The following DAPK1 variants were observed in gnomAD, a reference collection of about 807,000 sequenced individuals.
DAPK1 encodes the protein death associated protein kinase 1.
In DAPK1, 56 loss-of-function variants were observed where a neutral mutation model predicts 144.9. The observed-to-expected ratio is 0.39, with a 90% confidence interval of 0.31 to 0.48. DAPK1 has a LOEUF of 0.48. Among genes scored for constraint, DAPK1 ranks in the 20% least tolerant of loss-of-function variants. DAPK1 has a pLI of 0.95. For synonymous variants in DAPK1, 690 were observed against 749.0 expected (o/e 0.92, Z 1.29); for missense variants, 1,454 against 1,875.4 (o/e 0.78, Z 4.15).
At chr9:87,549,735 C>T (rs185172122) in intron 2 of DAPK1, among the ~76,000 whole-genome samples, 2 of 152,224 alleles carry the variant, frequency 1.3e-5, no homozygotes, top group Admixed American at 6.5e-5. Context: ...TTGTACAACT[C>T]GTAGCAGAGC....
At chr9:87,701,514 G>A (rs1825451186) in intron 24 of DAPK1, among the ~76,000 whole-genome samples, 1 of 152,110 alleles carries the variant, frequency 6.6e-6, no homozygotes, top group African/African-American at 2.4e-5. Context: ...GAAATAGGCT[G>A]GGAAAAAGCA....
intron 2 of DAPK1, among the ~76,000 whole-genome samples, chr9:87,513,889 G>A (rs7851099): frequency 0.014 from 2,188 of 152,250 alleles, 49 homozygotes; most frequent in African/African-American, 0.05. Context: ...AGCCTGTTCT[G>A]GATAGTTTTC....
chr9:87,535,385 G>A (rs4878097), intron 2 of DAPK1, among the ~76,000 whole-genome samples: 68,152 of 151,928 alleles, frequency 0.45, 15,553 homozygotes, highest in South Asian at 0.58. Flanking sequence ...TGGGAAACTA[G>A]TCTGTCTTTT....
At chr9:87,701,720 ATT>A (rs59185381) in intron 24 of DAPK1, 86,601 of 244,000 alleles carry the variant, frequency 0.35, 10,007 homozygotes, top group East Asian at 0.48. Context: ...CTCTGGGTGT[ATT>A]TTTTTTTTTT....
chr9:87,652,670 C>G (rs1315993489), intron 17 of DAPK1, among the ~76,000 whole-genome samples: 1 of 145,130 alleles, frequency 6.9e-6, no homozygotes, highest in Admixed American at 6.8e-5. Context: ...TGCCCCCGAT[C>G]CTGGGTCCTG....
intron 4 of DAPK1, 77 bp from the exon 5 acceptor site, chr9:87,639,276 GA>G: frequency 4.3e-6 from 5 of 1,155,642 alleles, no homozygotes; most frequent in South Asian, 2.3e-5. Context: ...TTTTTTTTTG[GA>G]GAGAAGAACT....
intron 19 of DAPK1, among the ~76,000 whole-genome samples, chr9:87,669,972 G>A (rs963247253): frequency 1.3e-5 from 2 of 152,096 alleles, no homozygotes; most frequent in African/African-American, 4.8e-5. Context: ...TGAGAGCTGC[G>A]ATTCAGTCTC....
intron 17 of DAPK1, among the ~76,000 whole-genome samples, chr9:87,657,149 C>A (rs1300468137): frequency 6.6e-6 from 1 of 152,182 alleles, no homozygotes; most frequent in Non-Finnish European, 1.5e-5. Flanking sequence ...CCTAACAGTT[C>A]TGTTCATTGA....
intron 2 of DAPK1, among the ~76,000 whole-genome samples, chr9:87,537,657 C>T (rs773514405): frequency 9.2e-5 from 14 of 151,698 alleles, no homozygotes; most frequent in African/African-American, 2.7e-4. Flanking sequence ...TCTGTGTGTG[C>T]GCGTTAGTGT....
intron 2 of DAPK1, among the ~76,000 whole-genome samples, chr9:87,518,014 G>A (rs973713838): frequency 6.6e-6 from 1 of 151,886 alleles, no homozygotes; most frequent in African/African-American, 2.4e-5. Flanking sequence ...CGGGTAGTGG[G>A]TTTCTGAAAG....
intron 2 of DAPK1, among the ~76,000 whole-genome samples, chr9:87,516,764 G>A (rs996326972): frequency 2.6e-5 from 4 of 152,102 alleles, no homozygotes; most frequent in African/African-American, 9.7e-5. Context: ...CCCTGCGATT[G>A]GGGCATTTTC....
intron 3 of DAPK1, among the ~76,000 whole-genome samples, chr9:87,635,964 G>A (rs996347150): frequency 1.3e-5 from 2 of 152,126 alleles, no homozygotes; most frequent in African/African-American, 4.8e-5. Flanking sequence ...GGTGAGGTTG[G>A]TTCACAATCT....
intron 13 of DAPK1, 60 bp downstream of exon 13, chr9:87,646,619 C>T (rs1437775972): frequency 7.1e-7 from 1 of 1,398,938 alleles, no homozygotes; most frequent in African/African-American, 1.4e-5. Flanking sequence ...GTCTCTTAAT[C>T]ATAGGGGTAA....
intron 2 of DAPK1, among the ~76,000 whole-genome samples, 183 bp from the exon 3 acceptor site, chr9:87,604,771 A>G (rs1828652327): frequency 6.6e-6 from 1 of 152,224 alleles, no homozygotes; most frequent in African/African-American, 2.4e-5. Context: ...AGCATTATTT[A>G]TAAAGAAACA....
intron 2 of DAPK1, among the ~76,000 whole-genome samples, chr9:87,531,688 A>G (rs1029860366): frequency 6.6e-6 from 1 of 152,212 alleles, no homozygotes; most frequent in Non-Finnish European, 1.5e-5. Context: ...CCAGGATTTC[A>G]TACAGGTGCT....
At chr9:87,679,544 C>T (rs17053329) in intron 19 of DAPK1, among the ~76,000 whole-genome samples, 1 of 152,082 alleles carries the variant, frequency 6.6e-6, no homozygotes, top group Non-Finnish European at 1.5e-5. Flanking sequence ...CACTGAACGC[C>T]TTGCCTACAC....
rs1830051057 is a variant in DAPK1, at chr9:87,640,288, T to C, written c.630-10T>C. The C allele has an allele frequency of 1.2e-6, 2 of 1,610,786 alleles. No homozygotes were observed. The highest frequency in any genetic ancestry group is 8.5e-7 in the Non-Finnish European group (1 of 1,178,526). On this transcript the variant is annotated splice_polypyrimidine_tract_variant and intron_variant, in intron 7 of 25. Transcript: ENST00000408954. Reference sequence around the variant, plus strand: ...CATTAATGTTCTATGCCCAACTTTATTTTTAACAGCCTAAGTGGGGCCTCC... The same window carrying C: ...CATTAATGTTCTATGCCCAACTTTACTTTTAACAGCCTAAGTGGGGCCTCC...
chr9:87,635,010 C>A (rs1187019225), intron 3 of DAPK1, among the ~76,000 whole-genome samples: 2 of 152,288 alleles, frequency 1.3e-5, no homozygotes, highest in Non-Finnish European at 2.9e-5. Flanking sequence ...TATGATGTTA[C>A]CCTTTATTTT....
rs11141946 is a variant in DAPK1, at chr9:87,683,116, T to A, written c.2224+1490T>A. Among the ~76,000 whole-genome samples the A allele has an allele frequency of 4.3e-4, 65 of 151,210 alleles. No individual in the cohort carries two copies. The East Asian group carries it at 9.3e-3, about 22-fold the overall frequency. ...TTTTTTTTTTGAGATGGAGTCTCGC[T>A]CTGTTGCCCAGGCTGGAGTGCAGTG... is the stretch of plus-strand genomic sequence containing the variant. On this transcript the variant is annotated intron_variant, in intron 20 of 25. Coordinates refer to ENST00000408954, the MANE Select transcript of DAPK1 (RefSeq NM_004938.4).
Sources: gnomAD v4.1 joint callset for allele counts (sites outside exome capture counted in the v4.1 genomes callset) on GRCh38, gnomAD v4.1.1 for gene constraint, MANE v1.5 for transcripts, NCBI Gene and HGNC (gene_info 2026-07-23, HGNC 2026-07-21) for gene names.